PCDHA5: variants seen among roughly 807,000 people sequenced by gnomAD.
PCDHA5 encodes protocadherin alpha-5.
Under a neutral mutation model 61.6 loss-of-function variants are expected in PCDHA5, and 43 were observed. The observed-to-expected ratio is 0.70, with a 90% CI of 0.55 to 0.90. The LOEUF is 0.90. PCDHA5 is among the 40% of genes least tolerant of loss of function. PCDHA5 has a pLI of 0.00. For synonymous variants in PCDHA5, 627 were observed against 543.9 expected (o/e 1.15, Z -2.13); for missense variants, 1,298 against 1,222.7 (o/e 1.06, Z -0.92).
chr5:140,836,904 A>G (rs1774799044), intron 1 of PCDHA5: 1 of 589,848 alleles, frequency 1.7e-6, no homozygotes, highest in Non-Finnish European at 2.8e-6. Context: ...TACGTTTAAT[A>G]TACACTTTTG....
intron 1 of PCDHA5, among the ~76,000 whole-genome samples, chr5:140,846,179 C>G (rs1250648449): frequency 1.3e-5 from 2 of 149,200 alleles, no homozygotes; most frequent in African/African-American, 4.9e-5. Context: ...CCTGAGTAGG[C>G]GTTTGAGTTC....
At chr5:140,945,024 A>G (rs1554216669) in intron 1 of PCDHA5, among the ~76,000 whole-genome samples, 1 of 152,122 alleles carries the variant, frequency 6.6e-6, no homozygotes, top group Non-Finnish European at 1.5e-5. Flanking sequence ...TTTTACTCAG[A>G]CATAATTATC....
intron 1 of PCDHA5, chr5:140,966,229 A>T (rs1027352378): frequency 1.1e-5 from 3 of 277,852 alleles, no homozygotes; most frequent in African/African-American, 6.6e-5. Context: ...ATCTCCTTAA[A>T]GACCCGTTAA....
At chr5:140,869,924 A>G (rs2051503420) in intron 1 of PCDHA5, 3 of 1,611,514 alleles carry the variant, frequency 1.9e-6, no homozygotes, top group African/African-American at 1.3e-5. Flanking sequence ...GAAGGAGTCA[A>G]TGGAGAGGTA....
intron 1 of PCDHA5, chr5:140,876,809 C>T (rs1554168959): frequency 6.2e-7 from 1 of 1,614,200 alleles, no homozygotes; most frequent in Admixed American, 1.7e-5. Flanking sequence ...GTGGAGGTGG[C>T]CGACGTGAAC....
intron 1 of PCDHA5, chr5:140,850,438 T>A: frequency 6.3e-7 from 1 of 1,597,768 alleles, no homozygotes; most frequent in Non-Finnish European, 8.6e-7. Context: ...CAGCGCCTAC[T>A]GGTGCTGGTG....
intron 1 of PCDHA5, chr5:140,836,878 A>G: frequency 1.5e-6 from 1 of 681,278 alleles, no homozygotes; most frequent in Non-Finnish European, 2.4e-6. Context: ...CTGTATTTGC[A>G]CTAATTATTT....
At chr5:140,850,528 C>T (rs1228882569) in intron 1 of PCDHA5, 1 of 1,598,306 alleles carries the variant, frequency 6.3e-7, no homozygotes, top group African/African-American at 1.3e-5. Context: ...GCGCCAAAGT[C>T]ATCGTCGCGG....
intron 1 of PCDHA5, chr5:140,843,801 C>T: frequency 7.6e-7 from 1 of 1,311,536 alleles, no homozygotes; most frequent in Non-Finnish European, 1.1e-6. Context: ...AGTTTTTCAC[C>T]GTATTTTATA....
chr5:140,862,794 G>A (rs1554156969), intron 1 of PCDHA5: 1 of 575,742 alleles, frequency 1.7e-6, no homozygotes, highest in Non-Finnish European at 3.3e-6. Flanking sequence ...ACTACGAGGA[G>A]CTGGAGCTGC....
rs2153463747 is a variant in PCDHA5 at position 140,899,363 on chromosome 5, C to G, written c.2352+75236C>G. On this transcript the variant is annotated intron_variant, in intron 1 of 3. Coordinates refer to ENST00000529859, the MANE Select transcript of PCDHA5 (RefSeq NM_018908.3). ...AGCTCTTATTATTTTGAGATATGTC[C>G]CATCAATACCTAATTTATTGAGAGT... Among the ~76,000 whole-genome samples, 3 of 152,122 alleles carry G rather than the reference C, an allele frequency of 2.0e-5. No individual in the cohort carries two copies. The South Asian group carries it at 6.2e-4, about 32-fold the overall frequency.
intron 1 of PCDHA5, chr5:140,884,069 T>A (rs2059977023): frequency 6.2e-7 from 1 of 1,613,394 alleles, no homozygotes; most frequent in Non-Finnish European, 8.5e-7. Flanking sequence ...GGACGCCGAT[T>A]CGGGCTACAA....
Position 140,842,803 on chromosome 5 carries a change from T to G in PCDHA5, c.2352+18676T>G, listed in dbSNP as rs141140865. 5,439 of 1,594,064 alleles carry G rather than the reference T, an allele frequency of 3.4e-3. 534 individuals carry two copies. In the African/African-American group the frequency reaches 0.06, roughly 17 times the overall value. On this transcript the variant is annotated intron_variant, in intron 1 of 3. Transcript: ENST00000529859. Reference sequence around the variant, plus strand: ...AGAACGCGCTGGTGTCCTACTCGCTTGTGGAGCGGCGGGTGGGCGAGCGCT... The same window carrying G: ...AGAACGCGCTGGTGTCCTACTCGCTGGTGGAGCGGCGGGTGGGCGAGCGCT...
chr5:140,851,679 C>A, intron 1 of PCDHA5: 1 of 915,664 alleles, frequency 1.1e-6, no homozygotes, highest in Non-Finnish European at 1.3e-6. Context: ...AAATTTTCTC[C>A]ATTCAGTGAT....
chr5:140,960,134 A>G (rs1480555997), intron 1 of PCDHA5, among the ~76,000 whole-genome samples: 10 of 152,232 alleles, frequency 6.6e-5, no homozygotes, highest in African/African-American at 2.2e-4. Context: ...TGAAATACTT[A>G]GATATTAATA....
chr5:140,839,371 A>G (rs1475600989), intron 1 of PCDHA5, among the ~76,000 whole-genome samples: 2 of 67,948 alleles, frequency 2.9e-5, no homozygotes, highest in Admixed American at 1.8e-4. Context: ...AGCTGTATTC[A>G]TCAATTATTA....
At chr5:140,988,424 G>C (rs1563549055) in intron 3 of PCDHA5, among the ~76,000 whole-genome samples, 1 of 152,158 alleles carries the variant, frequency 6.6e-6, no homozygotes, top group Non-Finnish European at 1.5e-5. Context: ...TAAAGAATTT[G>C]TTTGTTTTGG....
intron 1 of PCDHA5, among the ~76,000 whole-genome samples, chr5:140,976,550 C>CATAA (rs782672542): frequency 1.5e-4 from 23 of 152,064 alleles, no homozygotes; most frequent in African/African-American, 4.6e-4. Flanking sequence ...GACCCTATCT[C>CATAA]ATAAATAAAT....
intron 1 of PCDHA5, chr5:140,870,860 C>G: frequency 6.2e-7 from 1 of 1,613,882 alleles, no homozygotes; most frequent in East Asian, 2.2e-5. Context: ...TCGGTGGGTG[C>G]GGGCCACGTG....
Sources: gnomAD v4.1 joint callset for allele counts (sites outside exome capture counted in the v4.1 genomes callset) on GRCh38, gnomAD v4.1.1 for gene constraint, MANE v1.5 for transcripts, NCBI Gene and HGNC (gene_info 2026-07-23, HGNC 2026-07-21) for gene names.